The following BAIAP2 variants were observed in gnomAD, a reference collection of about 807,000 sequenced individuals.
The protein encoded by BAIAP2 is BAR/IMD domain-containing adapter protein 2.
A neutral mutation model predicts 63.0 loss-of-function variants in BAIAP2; 18 were observed. The observed-to-expected ratio is 0.29, with a 90% CI of 0.20 to 0.42. The LOEUF is 0.42. Among genes scored for constraint, BAIAP2 ranks in the 10% least tolerant of loss-of-function variants. The pLI is 1.00. For synonymous variants in BAIAP2, 386 were observed against 307.6 expected, an observed-to-expected ratio of 1.25 and a Z score of -2.67; for missense variants, 610 against 734.3, an observed-to-expected ratio of 0.83 and a Z score of 1.96.
intron 6 of BAIAP2, among the ~76,000 whole-genome samples, chr17:81,088,280 TG>T (rs139132393): frequency 0.01 from 1,550 of 152,200 alleles, 29 homozygotes; most frequent in African/African-American, 0.035. Context: ...GTTCTGGGGA[TG>T]GGGATACTGA....
chr17:81,113,899 G>A (rs1035636470), intron 13 of BAIAP2, among the ~76,000 whole-genome samples: 2 of 151,934 alleles, frequency 1.3e-5, no homozygotes, highest in Non-Finnish European at 1.5e-5. Flanking sequence ...AGAACCACGC[G>A]GCTGCACTGC....
chr17:81,067,166 C>T (rs994276836), intron 3 of BAIAP2, among the ~76,000 whole-genome samples: 1 of 152,132 alleles, frequency 6.6e-6, no homozygotes, highest in South Asian at 2.1e-4. Flanking sequence ...TACCTCCCTT[C>T]CCCCCCACAC....
intron 6 of BAIAP2, chr17:81,097,842 G>C (rs1001369477): frequency 1.1e-4 from 35 of 330,926 alleles, no homozygotes; most frequent in Non-Finnish European, 1.9e-4. Flanking sequence ...CAGGGTCTGT[G>C]CCTCGGGTGC....
chr17:81,059,089 C>T lies in BAIAP2; in HGVS notation c.217+1122C>T, dbSNP rs28495542. On this transcript the variant is annotated intron_variant, in intron 3 of 13. Transcript: ENST00000428708. The stretch of plus-strand genomic sequence containing the variant: ...TGCGCCGGGAGGCAGACCTGCCGGC[C>T]GCACTTCGCAGCCCCCTGCGGACCC... Among the ~76,000 whole-genome samples, 559 of 152,314 alleles carry T rather than the reference C, an allele frequency of 3.7e-3. 5 individuals carry two copies. Among genetic ancestry groups the T allele is most frequent in the African/African-American group, 0.013 (532 of 41,572 alleles).
At chr17:81,074,613 G>GT (rs1433481052) in intron 3 of BAIAP2, among the ~76,000 whole-genome samples, 2 of 149,342 alleles carry the variant, frequency 1.3e-5, no homozygotes, top group African/African-American at 5.0e-5. Context: ...GCACGGATGC[G>GT]TGAGTGCCTG....
chr17:81,109,215 T>G, intron 13 of BAIAP2: 1 of 1,389,858 alleles, frequency 7.2e-7, no homozygotes, highest in Non-Finnish European at 9.3e-7. Context: ...ACGCGCCCCA[T>G]CCTGTGTGTC....
chr17:81,116,171 G>A lies in BAIAP2; in HGVS notation c.*332G>A. ...ACATTTGGCCAGCTGGTGGCTGGGA[G>A]GGGAGCCTGGCTGCCCTGCTGCTTC... On this transcript the variant is annotated 3_prime_UTR_variant, in exon 14 of 14. Transcript: ENST00000428708. The A allele has an allele frequency of 6.2e-7, 1 of 1,604,958 alleles. No homozygotes were observed. The highest frequency in any genetic ancestry group is 2.2e-5 in the East Asian group (1 of 44,730).
At chr17:81,078,613 G>C (rs1345865700) in intron 3 of BAIAP2, among the ~76,000 whole-genome samples, 1 of 150,250 alleles carries the variant, frequency 6.7e-6, no homozygotes, top group Admixed American at 6.6e-5. Context: ...TATTGGGTGG[G>C]AGCCGGGCTC....
intron 13 of BAIAP2, chr17:81,109,020 G>T (rs373648098): frequency 5.2e-6 from 8 of 1,543,242 alleles, no homozygotes; most frequent in Non-Finnish European, 7.0e-6. Flanking sequence ...CCGGGCAGCC[G>T]CTGCTCTGAA....
chr17:81,061,029 CAGG>C (rs1248202023), intron 3 of BAIAP2, among the ~76,000 whole-genome samples: 1 of 152,206 alleles, frequency 6.6e-6, no homozygotes, highest in Non-Finnish European at 1.5e-5. Flanking sequence ...GAGGCTGAGA[CAGG>C]AGAATCGCTT....
chr17:81,115,429 G>A (rs1005077833), intron 13 of BAIAP2, among the ~76,000 whole-genome samples: 1 of 152,242 alleles, frequency 6.6e-6, no homozygotes, highest in Non-Finnish European at 1.5e-5. Context: ...CCCAGCCTCA[G>A]TGGTGATGTC....
intron 1 of BAIAP2, among the ~76,000 whole-genome samples, chr17:81,048,831 G>T (rs547700537): frequency 6.6e-6 from 1 of 152,176 alleles, no homozygotes; most frequent in South Asian, 2.1e-4. Flanking sequence ...CTCTGTGGAC[G>T]TCCCAGCAGG....
intron 3 of BAIAP2, among the ~76,000 whole-genome samples, chr17:81,082,606 A>T (rs2054827968): frequency 6.6e-6 from 1 of 152,230 alleles, no homozygotes; most frequent in Non-Finnish European, 1.5e-5. Context: ...CACAGGAGCC[A>T]GGTGACTGTC....
intron 13 of BAIAP2, chr17:81,110,213 C>T (rs1313292631): frequency 2.0e-6 from 2 of 985,592 alleles, no homozygotes; most frequent in African/African-American, 3.5e-5. Flanking sequence ...TGGGACGTGG[C>T]TGGTAGTGTT....
At chr17:81,081,849 C>G (rs2054667990) in intron 3 of BAIAP2, among the ~76,000 whole-genome samples, 1 of 152,198 alleles carries the variant, frequency 6.6e-6, no homozygotes, top group African/African-American at 2.4e-5. Flanking sequence ...CATCGCTGGG[C>G]CCTGCCCCAC....
At chr17:81,089,313 A>G (rs1281814587) in intron 6 of BAIAP2, among the ~76,000 whole-genome samples, 1 of 151,830 alleles carries the variant, frequency 6.6e-6, no homozygotes, top group African/African-American at 2.4e-5. Flanking sequence ...GCCTCGGTGG[A>G]CCCTTCGTTG....
At chr17:81,055,569 G>GTTTTTTTTTTTTTT (rs1555657837) in intron 2 of BAIAP2, among the ~76,000 whole-genome samples, 1,055 of 93,472 alleles carry the variant, frequency 0.011, 27 homozygotes, top group Non-Finnish European at 0.017. Flanking sequence ...TCTGCAGGGT[G>GTTTTTTTTTTTTTT]TTTTGTTTTT....
chr17:81,060,678 T>C (rs577684513), intron 3 of BAIAP2, among the ~76,000 whole-genome samples: 8 of 152,026 alleles, frequency 5.3e-5, no homozygotes, highest in Admixed American at 1.3e-4. Context: ...TGGCTGGGAG[T>C]TGAGTTTTTA....
intron 1 of BAIAP2, among the ~76,000 whole-genome samples, chr17:81,044,380 CGCCACAGACT>C (rs1568063499): frequency 6.6e-6 from 1 of 152,222 alleles, no homozygotes; most frequent in African/African-American, 2.4e-5. Context: ...ACCAACACGG[CGCCACAGACT>C]GGTGTGCCCA....
Sources: gnomAD v4.1 joint callset for allele counts (sites outside exome capture counted in the v4.1 genomes callset) on GRCh38, gnomAD v4.1.1 for gene constraint, MANE v1.5 for transcripts, NCBI Gene and HGNC (gene_info 2026-07-23, HGNC 2026-07-21) for gene names.